KRT79: variants seen among roughly 807,000 people sequenced by gnomAD.
KRT79 encodes the protein keratin, type II cytoskeletal 79.
In KRT79, 51 loss-of-function variants were observed where a neutral mutation model predicts 49.0. The ratio of observed to expected loss-of-function variants is 1.04; its 90% CI spans 0.83 to 1.31. The LOEUF is 1.31. Ranked by LOEUF, KRT79 falls within the 40% of genes most tolerant of loss-of-function variation. The pLI is 0.00. For synonymous variants in KRT79, 312 were observed against 286.6 expected (o/e 1.09, Z -0.90); for missense variants, 728 against 688.0 (o/e 1.06, Z -0.65).
At chr12:52,826,320 C>T (rs1406753585) in intron 4 of KRT79, among the ~76,000 whole-genome samples, 1 of 151,892 alleles carries the variant, frequency 6.6e-6, no homozygotes, top group Non-Finnish European at 1.5e-5. Context: ...TCAAGGCTAG[C>T]CTGGGGAAAA....
intron 4 of KRT79, among the ~76,000 whole-genome samples, chr12:52,828,682 T>C (rs1044122979): frequency 1.3e-5 from 2 of 152,188 alleles, no homozygotes; most frequent in Non-Finnish European, 2.9e-5. Flanking sequence ...TTTGAAAGCA[T>C]TTATGTGAAA....
Position 52,833,826 on chromosome 12 carries a change from C to T in KRT79, c.435G>A (p.Gln145=). Residue 145 remains glutamine (Q), a synonymous_variant, in exon 1 of 9, where the codon CAG becomes CAA. Transcript: ENST00000330553. ...CGAACTTGTTGTTGAGGGTCTTGATCTGCTCCCGCTCCTGAGTGCGCACTC... is the reference window on the plus strand; with the variant it reads ...CGAACTTGTTGTTGAGGGTCTTGATTTGCTCCCGCTCCTGAGTGCGCACTC... The part of the protein sequence containing the change: ...IQRVRTQERE[Q]IKTLNNKFAS... 1.2e-6 allele frequency: 2 copies of T among 1,614,012 alleles called. No homozygotes were observed. The highest frequency in any genetic ancestry group is 1.7e-6 in the Non-Finnish European group (2 of 1,180,020).
intron 1 of KRT79, among the ~76,000 whole-genome samples, chr12:52,832,601 A>G (rs1447794025): frequency 6.6e-5 from 10 of 152,134 alleles, no homozygotes; most frequent in African/African-American, 2.4e-4. Context: ...AAAAGTCACT[A>G]GGGGAGAGGG....
In KRT79 at chr12:52,824,759, C is replaced by A. The variant is rs1275836609; in HGVS notation, c.856-397G>T. Among the ~76,000 whole-genome samples the A allele has an allele frequency of 4.6e-5, 7 of 152,270 alleles. No individual in the cohort carries two copies. In the East Asian group the frequency reaches 9.7e-4, roughly 21 times the overall value. On this transcript the variant is annotated intron_variant, in intron 4 of 8. Coordinates refer to ENST00000330553, the MANE Select transcript of KRT79 (RefSeq NM_175834.3). ...CCTTTGTGCAAATTGGGGAAAGACA[C>A]CCCTTCAGGTGGAAACAGCATGTCC...
At chr12:52,826,455 G>A (rs1940176913) in intron 4 of KRT79, among the ~76,000 whole-genome samples, 1 of 149,786 alleles carries the variant, frequency 6.7e-6, no homozygotes, top group South Asian at 2.1e-4. Flanking sequence ...CGAGACTGTA[G>A]TGAGCTGTGA....
rs551116360 is a variant in KRT79 at position 52,821,606 on chromosome 12, C to G, written c.*266G>C. The G allele has an allele frequency of 9.7e-5, 49 of 504,894 alleles. No homozygotes were observed. Among genetic ancestry groups the G allele is most frequent in the African/African-American group, 9.4e-4 (49 of 51,918 alleles). The allele number at this position is 504,894 out of a possible 1,614,324, so 31.3% of individuals were successfully genotyped here. A position where few individuals can be genotyped will look rare whatever the true frequency, so the allele number is the denominator to read the frequency against. ...TGGCTTGAGAAATTCAGCCTCCTCT[C>G]GGTGGTCAAAAGGTCACCCCCAAGT... On this transcript the variant is annotated 3_prime_UTR_variant, in exon 9 of 9. Coordinates refer to ENST00000330553, the MANE Select transcript of KRT79 (RefSeq NM_175834.3).
At position 52,830,134 on chromosome 12, in the gene KRT79, C is replaced by T. The variant is rs757564624; in HGVS notation, c.760-16G>A. The T allele has an allele frequency of 2.5e-6, 4 of 1,613,736 alleles. No homozygotes were observed. Among genetic ancestry groups the T allele is most frequent in the Non-Finnish European group, 3.4e-6 (4 of 1,179,638 alleles). On this transcript the variant is annotated splice_polypyrimidine_tract_variant and intron_variant, in intron 3 of 8. Coordinates refer to ENST00000330553, the MANE Select transcript of KRT79 (RefSeq NM_175834.3). ...CATCCACATCCTGGGGACGAGAGAG[C>T]AAGACAGATCCTCAGGCCCCAGGGA...
rs2121272669 is a variant in KRT79 at position 52,821,620 on chromosome 12, T to G, written c.*252A>C. 1 of 377,296 alleles carries G rather than the reference T, an allele frequency of 2.7e-6. No individual in the cohort carries two copies. The highest frequency in any genetic ancestry group is 5.2e-5 in the South Asian group (1 of 19,094). The allele number at this position is 377,296 out of a possible 1,614,324, so 23.4% of individuals were successfully genotyped here. A position where few individuals can be genotyped will look rare whatever the true frequency, so the allele number is the denominator to read the frequency against. ...CAGCCTCCTCTCGGTGGTCAAAAGG[T>G]CACCCCCAAGTCACCCAAGCACATC... On this transcript the variant is annotated 3_prime_UTR_variant, in exon 9 of 9. Transcript: ENST00000330553.
chr12:52,829,037 T>C (rs554104387), intron 4 of KRT79, among the ~76,000 whole-genome samples: 7 of 152,174 alleles, frequency 4.6e-5, no homozygotes, highest in Non-Finnish European at 1.0e-4. Context: ...CCCTAAAAAG[T>C]AGTGAGCTCA....
chr12:52,831,053 C>T (rs1267078776), intron 2 of KRT79, among the ~76,000 whole-genome samples: 1 of 150,930 alleles, frequency 6.6e-6, no homozygotes, highest in Non-Finnish European at 1.5e-5. Flanking sequence ...GGAATCAGAA[C>T]ACGTAGAAAA....
At position 52,834,145 on chromosome 12, in the gene KRT79, G is replaced by A. The variant is rs1565693795; in HGVS notation, c.116C>T (p.Ser39Phe). The A allele has an allele frequency of 6.2e-7, 1 of 1,613,592 alleles. No homozygotes were observed. Among genetic ancestry groups the A allele is most frequent in the East Asian group, 2.2e-5 (1 of 44,842 alleles). Reference protein sequence around the residue: ...ARTSFSSVTVSRSSGSGGGAH... With the variant: ...ARTSFSSVTVFRSSGSGGGAH... ...CCCGCCACCACTGCCACTGCTCCGAGACACCGTCACTGAGCTGAAGCTGGT... is the reference window on the plus strand; with the variant it reads ...CCCGCCACCACTGCCACTGCTCCGAAACACCGTCACTGAGCTGAAGCTGGT... The change falls in exon 1 of 9, where the codon TCT (serine) becomes TTT (phenylalanine). Residue 39 changes from serine (S) to phenylalanine (F), a missense_variant. By Grantham distance (155) the Ser-to-Phe change is radical (BLOSUM62 -2). Transcript: ENST00000330553.
chr12:52,831,695 A>G, intron 1 of KRT79, 69 bp from the exon 2 acceptor site: 1 of 1,281,418 alleles, frequency 7.8e-7, no homozygotes, highest in Non-Finnish European at 1.1e-6. Context: ...GATGGGGTCC[A>G]TTGCCACCTC....
chr12:52,830,205 C>T (rs753379775), intron 3 of KRT79, 27 bp downstream of exon 3: 1 of 1,613,986 alleles, frequency 6.2e-7, no homozygotes, highest in Admixed American at 1.7e-5. Flanking sequence ...AGCCAAAGGA[C>T]CACCTCCCCC....
chr12:52,831,406 T>G lies in KRT79; in HGVS notation c.698A>C (p.Lys233Thr). The change falls in exon 2 of 9, where the codon AAG becomes ACG. Residue 233 changes from lysine (K) to threonine (T), a missense_variant and splice_region_variant. Physicochemically the swap from Lys to Thr is moderately conservative, Grantham distance 78 (BLOSUM62 -1). Transcript: ENST00000330553. ...VQDLVEDFKN[K>T]YEDEINKHTA... Reference sequence around the variant, plus strand: ...GCCCCGCCTGGCCTGCTCTCCTCACTTGTTCTTGAAGTCCTCCACAAGGTC... The same window carrying G: ...GCCCCGCCTGGCCTGCTCTCCTCACGTGTTCTTGAAGTCCTCCACAAGGTC... 3 of 1,614,064 alleles carry G rather than the reference T, an allele frequency of 1.9e-6. No homozygotes were observed. Among genetic ancestry groups the G allele is most frequent in the Non-Finnish European group, 2.5e-6 (3 of 1,179,948 alleles).
Position 52,823,966 on chromosome 12 carries a change from C to G in KRT79, c.1067G>C (p.Arg356Pro). 9 of 1,614,126 alleles carry G rather than the reference C, an allele frequency of 5.6e-6. No homozygotes were observed. The highest frequency in any genetic ancestry group is 7.6e-6 in the Non-Finnish European group (9 of 1,180,028). ...VTAGKHGDNL[R>P]DTKNEIAELT... ...CTCAGCAATCTCGTTCTTGGTGTCC[C>G]GCAGGTTGTCCCCATGCTTCCCAGC... The change falls in exon 6 of 9, where the codon CGG (arginine) becomes CCG (proline). Residue 356 changes from arginine (R) to proline (P), a missense_variant. Transcript: ENST00000330553.
In KRT79 at chr12:52,823,370, T is replaced by G. The variant is rs566353677; in HGVS notation, c.1147-134A>C. On this transcript the variant is annotated intron_variant, in intron 6 of 8. Transcript: ENST00000330553. ...GCTGGGAAAGAGAGAAGAGAAATAT[T>G]CATCTGAAGAGATGCTATTACACAA... is the stretch of plus-strand genomic sequence containing the variant. 1.6e-5 allele frequency: 12 copies of G among 743,158 alleles called. 1 individual carries two copies. The highest frequency in any genetic ancestry group is 1.6e-4 in the African/African-American group (9 of 57,680). 46.0% of individuals were successfully genotyped at this position (743,158 alleles called of 1,614,324 possible).
chr12:52,823,597 T>C (rs1940132515), intron 6 of KRT79, among the ~76,000 whole-genome samples: 1 of 152,230 alleles, frequency 6.6e-6, no homozygotes, highest in South Asian at 2.1e-4. Flanking sequence ...ATCTGTGACC[T>C]GGCCCCTTGA....
chr12:52,831,683 A>ATCCTTGGCTCCTCT, intron 1 of KRT79, 57 bp from the exon 2 acceptor site: 1 of 1,447,800 alleles, frequency 6.9e-7, no homozygotes, highest in Non-Finnish European at 9.6e-7. Flanking sequence ...AGAGGAGCCA[A>ATCCTTGGCTCCTCT]GGATGGGGTC....
At position 52,821,993 on chromosome 12, in the gene KRT79, G is replaced by GC. The variant is rs746321620; in HGVS notation, c.1486dup (p.Ala496GlyfsTer13). 17 of 1,614,016 alleles carry GC rather than the reference G, an allele frequency of 1.1e-5. No individual in the cohort carries two copies. The highest frequency in any genetic ancestry group is 2.2e-5 in the East Asian group (1 of 44,868). ...ATTTGTGCTGAATCCACCCTTGGTG[G>GC]CCCCCCCACTCCCACCCAGGGAGAT... is the stretch of plus-strand genomic sequence containing the variant. On this transcript the variant is annotated frameshift_variant, in exon 9 of 9. Transcript: ENST00000330553. LOFTEE classifies it high-confidence loss of function.
Sources: gnomAD v4.1 joint callset for allele counts (sites outside exome capture counted in the v4.1 genomes callset) on GRCh38, gnomAD v4.1.1 for gene constraint, MANE v1.5 for transcripts, NCBI Gene and HGNC (gene_info 2026-07-23, HGNC 2026-07-21) for gene names.